The following NUBPL variants were observed in gnomAD, a reference collection of about 807,000 sequenced individuals.
NUBPL encodes the protein iron-sulfur cluster transfer protein NUBPL.
NUBPL carries 31 observed loss-of-function variants against 45.7 expected under a neutral mutation model. That is an observed-to-expected ratio of 0.68 (90% confidence interval 0.51 to 0.92). NUBPL has a LOEUF of 0.92. Among genes scored for constraint, NUBPL ranks in the 40% least tolerant of loss-of-function variants. The pLI, the probability that NUBPL is intolerant of heterozygous loss-of-function variation, is 0.00. For missense variants in NUBPL, 401 were observed against 398.7 expected (o/e 1.01, Z -0.05); for synonymous variants, 144 against 140.9 (o/e 1.02, Z -0.15).
At chr14:31,635,531 C>G (rs1319935263) in intron 4 of NUBPL, among the ~76,000 whole-genome samples, 1 of 151,914 alleles carries the variant, frequency 6.6e-6, no homozygotes, top group Admixed American at 6.6e-5. Context: ...TGTGATGCCT[C>G]CAGCTTTGTT....
intron 6 of NUBPL, among the ~76,000 whole-genome samples, chr14:31,680,874 AGTTG>A (rs915115749): frequency 6.6e-6 from 1 of 152,120 alleles, no homozygotes; most frequent in Non-Finnish European, 1.5e-5. Flanking sequence ...TTTGATCTGC[AGTTG>A]GTTGAATTCA....
chr14:31,664,442 A>G (rs910372246), intron 4 of NUBPL, among the ~76,000 whole-genome samples: 7 of 152,146 alleles, frequency 4.6e-5, no homozygotes, highest in Non-Finnish European at 8.8e-5. Context: ...ATTTTAGCAT[A>G]AAGGGCTGTT....
At chr14:31,777,328 G>C (rs1352460057) in intron 6 of NUBPL, among the ~76,000 whole-genome samples, 1 of 152,202 alleles carries the variant, frequency 6.6e-6, no homozygotes, top group African/African-American at 2.4e-5. Context: ...CCCTTGTAGA[G>C]ATCCTTGAGG....
intron 6 of NUBPL, among the ~76,000 whole-genome samples, chr14:31,754,951 C>CA (rs1566543498): frequency 9.6e-6 from 1 of 104,412 alleles, no homozygotes. Flanking sequence ...ATGCAGTGTT[C>CA]GGTTTTTTGT....
chr14:31,599,263 T>C (rs1279742185), intron 3 of NUBPL, 26 bp from the exon 4 acceptor site: 2 of 1,541,864 alleles, frequency 1.3e-6, no homozygotes, highest in Admixed American at 1.7e-5. Context: ...TTGTTTTGTT[T>C]TATATTTTTA....
chr14:31,661,906 C>T (rs1311508334), intron 4 of NUBPL: 2 of 152,210 alleles, frequency 1.3e-5, no homozygotes, highest in African/African-American at 4.8e-5. Context: ...TTTACTGATA[C>T]ATAAGAAAAG....
At chr14:31,842,811 A>T (rs544890357) in intron 8 of NUBPL, among the ~76,000 whole-genome samples, 1 of 152,124 alleles carries the variant, frequency 6.6e-6, no homozygotes, top group African/African-American at 2.4e-5. Flanking sequence ...TATGTATGAA[A>T]TATATTTATT....
At chr14:31,682,613 A>G (rs892466916) in intron 6 of NUBPL, among the ~76,000 whole-genome samples, 4 of 152,078 alleles carry the variant, frequency 2.6e-5, no homozygotes, top group Non-Finnish European at 5.9e-5. Flanking sequence ...TGAATAAATG[A>G]AATATTTCTT....
chr14:31,635,981 A>G (rs1246779151), intron 4 of NUBPL, among the ~76,000 whole-genome samples: 1 of 152,190 alleles, frequency 6.6e-6, no homozygotes, highest in Non-Finnish European at 1.5e-5. Flanking sequence ...CAGCTTAAGG[A>G]GATTTTGGGC....
At chr14:31,747,362 C>T (rs897730320) in intron 6 of NUBPL, among the ~76,000 whole-genome samples, 6 of 152,100 alleles carry the variant, frequency 3.9e-5, no homozygotes, top group Non-Finnish European at 4.4e-5. Context: ...TGGTCTTGAT[C>T]TCCTGACCTT....
At chr14:31,810,488 C>T (rs915155417) in intron 7 of NUBPL, among the ~76,000 whole-genome samples, 2 of 152,112 alleles carry the variant, frequency 1.3e-5, no homozygotes, top group Admixed American at 6.6e-5. Context: ...TCCTCCATCC[C>T]TTTATTTTGA....
intron 4 of NUBPL, among the ~76,000 whole-genome samples, chr14:31,600,020 C>A (rs548062325): frequency 6.7e-6 from 1 of 149,654 alleles, no homozygotes; most frequent in East Asian, 2.0e-4. Flanking sequence ...CTCCTGGGTT[C>A]AAGTGATTCT....
intron 8 of NUBPL, 112 bp downstream of exon 8, chr14:31,826,826 G>A (rs951467802): frequency 2.1e-6 from 2 of 932,420 alleles, no homozygotes; most frequent in African/African-American, 3.3e-5. Flanking sequence ...AAGTCTTTAT[G>A]AAAGTCCTAG....
At chr14:31,808,407 G>A (rs572950914) in intron 7 of NUBPL, among the ~76,000 whole-genome samples, 135 of 152,250 alleles carry the variant, frequency 8.9e-4, no homozygotes, top group African/African-American at 3.1e-3. Context: ...ATTCACTCAC[G>A]ATTTGGCTCT....
intron 8 of NUBPL, among the ~76,000 whole-genome samples, chr14:31,835,559 G>GAT (rs2040267830): frequency 6.6e-6 from 1 of 152,118 alleles, no homozygotes; most frequent in Non-Finnish European, 1.5e-5. Context: ...GAATGTTTTT[G>GAT]ATATAGTGGT....
chr14:31,682,279 A>G (rs1453566741), intron 6 of NUBPL, among the ~76,000 whole-genome samples: 1 of 152,128 alleles, frequency 6.6e-6, no homozygotes, highest in African/African-American at 2.4e-5. Context: ...ATACTCCTCT[A>G]TATCTCTGGT....
At chr14:31,655,742 C>A (rs541683758) in intron 4 of NUBPL, among the ~76,000 whole-genome samples, 2 of 152,140 alleles carry the variant, frequency 1.3e-5, no homozygotes, top group Non-Finnish European at 2.9e-5. Flanking sequence ...CCATGCTGTG[C>A]TGTCAGCCAG....
intron 6 of NUBPL, among the ~76,000 whole-genome samples, chr14:31,701,411 G>A (rs770165653): frequency 1.2e-4 from 19 of 152,236 alleles, no homozygotes; most frequent in Non-Finnish European, 2.4e-4. Context: ...TCAGCAGGAT[G>A]TGGGTGGGGT....
At chr14:31,844,677 T>C (rs2138987866) in intron 8 of NUBPL, 1 of 152,350 alleles carries the variant, frequency 6.6e-6, no homozygotes, top group East Asian at 1.9e-4. Context: ...ATATGTTTCA[T>C]TGTGGACTAT....
Sources: gnomAD v4.1 joint callset for allele counts (sites outside exome capture counted in the v4.1 genomes callset) on GRCh38, gnomAD v4.1.1 for gene constraint, MANE v1.5 for transcripts, NCBI Gene and HGNC (gene_info 2026-07-23, HGNC 2026-07-21) for gene names.